PDE1C: variants seen among roughly 807,000 people sequenced by gnomAD.
PDE1C encodes the protein dual specificity calcium/calmodulin-dependent 3',5'-cyclic nucleotide phosphodiesterase 1C.
A neutral mutation model predicts 93.1 loss-of-function variants in PDE1C; 62 were observed. That is an observed-to-expected ratio of 0.67 (90% CI 0.54 to 0.82). The LOEUF is 0.82. Ranked by LOEUF, PDE1C falls within the 40% of genes least tolerant of loss-of-function variation. PDE1C has a pLI of 0.00. For synonymous variants in PDE1C, 325 were observed against 310.1 expected (o/e 1.05, Z -0.50); for missense variants, 742 against 884.6 (o/e 0.84, Z 2.04).
At position 32,350,572 on chromosome 7, in the gene PDE1C, A is replaced by AGG. The variant is rs1562686527; in HGVS notation, c.310+77249_310+77250insCC. Among the ~76,000 whole-genome samples, 4 of 3,254 alleles carry AGG rather than the reference A, an allele frequency of 1.2e-3. 1 individual carries two copies. Among genetic ancestry groups the AGG allele is most frequent in the African/African-American group, 7.1e-4 (2 of 2,832 alleles). 2.1% of individuals were successfully genotyped at this position (3,254 alleles called of 152,430 possible). The stretch of plus-strand genomic sequence containing the variant: ...AATATATATATATATATATATATAT[A>AGG]TATATATATATATATATATTTTTTT... On this transcript the variant is annotated intron_variant, in intron 1 of 1. Coordinates refer to the PDE1C transcript ENST00000672256.
chr7:31,893,431 G>A, intron 2 of PDE1C: 2 of 950,748 alleles, frequency 2.1e-6, no homozygotes, highest in Non-Finnish European at 2.5e-6. Context: ...TTTTCATTTT[G>A]TGCTATATTT....
chr7:31,747,994 C>T (rs549582699), downstream of PDE1C, among the ~76,000 whole-genome samples: 3 of 142,104 alleles, frequency 2.1e-5, no homozygotes, highest in Non-Finnish European at 4.7e-5. Context: ...TGTGGCCTTT[C>T]GTCAGTCTTA....
chr7:32,295,982 C>T (rs1430196708), intron 1 of PDE1C, among the ~76,000 whole-genome samples: 1 of 150,596 alleles, frequency 6.6e-6, no homozygotes, highest in Non-Finnish European at 1.5e-5. Context: ...AAATTAAAAG[C>T]AACCTAAATA....
chr7:32,105,427 CTGA>C (rs140387062), intron 3 of PDE1C, among the ~76,000 whole-genome samples: 25,954 of 152,078 alleles, frequency 0.17, 2,883 homozygotes, highest in Non-Finnish European at 0.24. Context: ...GGGTAAAAAT[CTGA>C]TGAAGAATCA....
At chr7:31,893,699 C>T (rs991176414) in intron 2 of PDE1C, among the ~76,000 whole-genome samples, 10 of 152,090 alleles carry the variant, frequency 6.6e-5, no homozygotes, top group African/African-American at 2.4e-4. Flanking sequence ...CTATTTCTAT[C>T]ACAATTTACA....
chr7:32,013,682 A>G (rs1787472487), intron 2 of PDE1C, among the ~76,000 whole-genome samples: 1 of 152,256 alleles, frequency 6.6e-6, no homozygotes, highest in Admixed American at 6.5e-5. Flanking sequence ...TTGGACTGGT[A>G]TAAGCACGCC....
chr7:32,293,038 ATCACACCACTGATGC>A (rs1223111303), intron 1 of PDE1C, among the ~76,000 whole-genome samples: 1 of 152,148 alleles, frequency 6.6e-6, no homozygotes, highest in Admixed American at 6.5e-5. Flanking sequence ...AACCCTGGGG[ATCACACCACTGATGC>A]TCACCCACTC....
intron 2 of PDE1C, among the ~76,000 whole-genome samples, chr7:31,984,794 T>C (rs1428050750): frequency 3.9e-5 from 6 of 152,198 alleles, no homozygotes; most frequent in Non-Finnish European, 8.8e-5. Flanking sequence ...ACATTGACTG[T>C]TAAATTAAAT....
At chr7:32,261,655 G>C (rs561462677) in intron 1 of PDE1C, among the ~76,000 whole-genome samples, 2 of 152,304 alleles carry the variant, frequency 1.3e-5, no homozygotes, top group South Asian at 2.1e-4. Flanking sequence ...TTCACTGTTG[G>C]CCTCTTAGAT....
At chr7:32,341,331 A>G (rs555325143) in intron 1 of PDE1C, among the ~76,000 whole-genome samples, 2 of 148,808 alleles carry the variant, frequency 1.3e-5, no homozygotes, top group African/African-American at 5.0e-5. Context: ...GCCCGCTACC[A>G]CGCCCGGCTA....
intron 3 of PDE1C, among the ~76,000 whole-genome samples, chr7:32,146,097 G>A (rs141723873): frequency 6.6e-6 from 1 of 152,260 alleles, no homozygotes; most frequent in East Asian, 1.9e-4. Flanking sequence ...GATGGCTGCC[G>A]TGTGGCTCAG....
chr7:31,850,642 G>A lies in PDE1C; in HGVS notation c.850C>T (p.Arg284Trp), dbSNP rs553412658. Residue 284 changes from arginine (R) to tryptophan (W), a missense_variant and splice_region_variant, in exon 8 of 18, where the codon CGG becomes TGG. This residue lies in a region of PDE1C where 205 missense variants were observed against 295.3 expected (regional missense o/e 0.69). Transcript: ENST00000396191. The part of the protein sequence containing the change: ...GTTNNFHIQT[R>W]SDPAILYNDR... ...TTCCAAACATTTAAACACCCTCACCGAGTCTGAATGTGGAAATTGTTGGTG... is the reference window on the plus strand; with the variant it reads ...TTCCAAACATTTAAACACCCTCACCAAGTCTGAATGTGGAAATTGTTGGTG... The A allele has an allele frequency of 1.0e-5, 16 of 1,604,016 alleles. No homozygotes were observed. The highest frequency in any genetic ancestry group is 6.6e-5 in the South Asian group (6 of 90,884).
intron 16 of PDE1C, among the ~76,000 whole-genome samples, chr7:31,779,999 C>T (rs1375771638): frequency 6.6e-6 from 1 of 152,162 alleles, no homozygotes; most frequent in African/African-American, 2.4e-5. Flanking sequence ...CTTCAGACCA[C>T]CCACCACATG....
intron 3 of PDE1C, among the ~76,000 whole-genome samples, chr7:32,147,804 G>A (rs1800988489): frequency 6.6e-6 from 1 of 151,790 alleles, no homozygotes; most frequent in Non-Finnish European, 1.5e-5. Flanking sequence ...GCAGGATCTG[G>A]GTTTGAAAGG....
chr7:31,969,393 G>A (rs1469858732), intron 2 of PDE1C, among the ~76,000 whole-genome samples: 2 of 152,150 alleles, frequency 1.3e-5, no homozygotes, highest in Admixed American at 1.3e-4. Flanking sequence ...ATGAAAAAAT[G>A]CTCATCATCA....
At chr7:31,842,985 G>C (rs964201237) in intron 9 of PDE1C, among the ~76,000 whole-genome samples, 19 of 151,614 alleles carry the variant, frequency 1.3e-4, no homozygotes, top group Admixed American at 2.0e-4. Context: ...ATTACTTTTT[G>C]ATCCACAAAT....
the PDE1C span, among the ~76,000 whole-genome samples, chr7:31,617,202 T>G: frequency 6.6e-6 from 1 of 152,176 alleles, no homozygotes; most frequent in Admixed American, 6.5e-5. Context: ...ATCCTATTAT[T>G]TCTTCTATAA....
At chr7:32,388,767 G>A (rs962441345) in intron 1 of PDE1C, among the ~76,000 whole-genome samples, 3 of 151,388 alleles carry the variant, frequency 2.0e-5, no homozygotes, top group Non-Finnish European at 4.4e-5. Context: ...CCTACAGTGT[G>A]AGCAAACAGT....
chr7:31,657,688 TG>T, the PDE1C span, among the ~76,000 whole-genome samples: 5 of 152,178 alleles, frequency 3.3e-5, no homozygotes, highest in Non-Finnish European at 7.4e-5. Context: ...CCTTTTTTTT[TG>T]TTTTATGCAT....
Sources: gnomAD v4.1 joint callset for allele counts (sites outside exome capture counted in the v4.1 genomes callset) on GRCh38, gnomAD v4.1.1 for gene constraint, gnomAD v4.1.1 regional missense constraint, MANE v1.5 for transcripts, NCBI Gene and HGNC (gene_info 2026-07-23, HGNC 2026-07-21) for gene names.